The following CACNA1B variants were observed in gnomAD, a reference collection of about 807,000 sequenced individuals.
The protein encoded by CACNA1B is calcium voltage-gated channel subunit alpha1 B.
Under a neutral mutation model 247.2 loss-of-function variants are expected in CACNA1B, and 70 were observed. The observed-to-expected ratio is 0.28, with a 90% CI of 0.23 to 0.35. CACNA1B has a LOEUF of 0.35. Among genes scored for constraint, CACNA1B ranks in the 10% least tolerant of loss-of-function variants. CACNA1B has a pLI of 1.00. For missense variants in CACNA1B, 2,367 were observed against 3,197.4 expected (o/e 0.74, Z 6.26); for synonymous variants, 1,231 against 1,294.4 (o/e 0.95, Z 1.05).
chr9:138,061,819 T>G (rs532840566), intron 31 of CACNA1B, among the ~76,000 whole-genome samples: 10 of 152,354 alleles, frequency 6.6e-5, no homozygotes, highest in African/African-American at 9.6e-5. Context: ...GGTGGCTGGT[T>G]GACAGCCCCA....
rs528092682 is a variant in CACNA1B, at chr9:138,120,662, C to G, written c.6270C>G (p.Pro2090=). ...APSSAVGPGL[P]PGEGPTGCRR... is the part of the protein sequence containing the mutation. ...GCAGTGCTGTGGGGCCGGGGCTGCC[C>G]CCGGGAGAGGGGCCTACAGGCTGCC... The change falls in exon 46 of 47, where the codon CCC becomes CCG. Residue 2090 remains proline (P), a synonymous_variant. Coordinates refer to ENST00000371372, the MANE Select transcript of CACNA1B (RefSeq NM_000718.4). 2 of 1,509,232 alleles carry G rather than the reference C, an allele frequency of 1.3e-6. No homozygotes were observed. The highest frequency in any genetic ancestry group is 1.4e-5 in the African/African-American group (1 of 70,724). 93.5% of individuals were successfully genotyped at this position (1,509,232 alleles called of 1,614,324 possible).
chr9:137,940,127 A>G (rs1292807455), intron 6 of CACNA1B, among the ~76,000 whole-genome samples: 1 of 152,174 alleles, frequency 6.6e-6, no homozygotes, highest in African/African-American at 2.4e-5. Context: ...AAATGAAACA[A>G]AAAGCTAGTT....
At chr9:137,975,604 C>G (rs1372777297) in intron 11 of CACNA1B, among the ~76,000 whole-genome samples, 2 of 152,204 alleles carry the variant, frequency 1.3e-5, no homozygotes, top group African/African-American at 4.8e-5. Context: ...GGGGGCACCC[C>G]CATGACCCCA....
At chr9:137,942,897 C>A (rs1000987232) in intron 6 of CACNA1B, among the ~76,000 whole-genome samples, 6 of 152,136 alleles carry the variant, frequency 3.9e-5, no homozygotes, top group African/African-American at 1.2e-4. Flanking sequence ...ACGAAAATCT[C>A]ATAAATCACC....
chr9:137,949,104 G>A (rs1564203149), intron 6 of CACNA1B, among the ~76,000 whole-genome samples: 14 of 1,406 alleles, frequency 1.0e-2, no homozygotes, highest in Non-Finnish European at 0.011. Flanking sequence ...GTGCATGTTT[G>A]TGGTGGCTGT....
rs533623553 is a variant in CACNA1B at position 137,921,803 on chromosome 9, G to A, written c.966+4372G>A. Among the ~76,000 whole-genome samples, 3 of 146,284 alleles carry A rather than the reference G, an allele frequency of 2.1e-5. No individual in the cohort carries two copies. The East Asian group carries it at 6.4e-4, about 31-fold the overall frequency. The stretch of plus-strand genomic sequence containing the variant: ...GTCCTGGGAGCAGAGTAAAGCGTTC[G>A]GAGAACACGATCAGCACCACGACCG... On this transcript the variant is annotated intron_variant, in intron 6 of 46. Transcript: ENST00000371372.
chr9:138,119,387 C>T (rs576584846), intron 44 of CACNA1B, among the ~76,000 whole-genome samples: 9 of 152,192 alleles, frequency 5.9e-5, no homozygotes, highest in South Asian at 2.1e-4. Context: ...CACTGTGCCC[C>T]GGCCTCCGAG....
intron 39 of CACNA1B, among the ~76,000 whole-genome samples, chr9:138,111,262 A>C (rs777315132): frequency 6.6e-6 from 1 of 152,250 alleles, no homozygotes; most frequent in African/African-American, 2.4e-5. Flanking sequence ...ATGTCCATCA[A>C]TTGGCAATGG....
chr9:137,989,585 CAGAT>C (rs1958408122), intron 15 of CACNA1B, among the ~76,000 whole-genome samples: 1 of 152,142 alleles, frequency 6.6e-6, no homozygotes, highest in Admixed American at 6.5e-5. Flanking sequence ...AAAATAATGA[CAGAT>C]AGTCTGATGG....
intron 18 of CACNA1B, among the ~76,000 whole-genome samples, chr9:138,021,933 G>T (rs764148094): frequency 6.6e-6 from 1 of 152,244 alleles, no homozygotes; most frequent in Non-Finnish European, 1.5e-5. Flanking sequence ...GGCCTCAGAT[G>T]AGGTTTCTCC....
At position 137,990,921 on chromosome 9, in the gene CACNA1B, G is replaced by C; in HGVS notation, c.1974+4067G>C. Reference sequence around the variant, plus strand: ...GCAGGGGGAGAACACCACATCAAGGGAGCACCCCCAAGATAAGAGAACAGC... The same window carrying C: ...GCAGGGGGAGAACACCACATCAAGGCAGCACCCCCAAGATAAGAGAACAGC... On this transcript the variant is annotated intron_variant, in intron 15 of 46. Transcript: ENST00000371372. This position sits in a 1 kb window ranked among gnomAD's most constrained non-coding sequence, Gnocchi z 4.5. Among the ~76,000 whole-genome samples, 1 of 152,148 alleles carries C rather than the reference G, an allele frequency of 6.6e-6. No homozygotes were observed. The highest frequency in any genetic ancestry group is 1.9e-4 in the East Asian group (1 of 5,188).
chr9:137,962,702 A>T (rs183273829), intron 10 of CACNA1B, among the ~76,000 whole-genome samples: 50 of 152,286 alleles, frequency 3.3e-4, no homozygotes, highest in Admixed American at 7.8e-4. Context: ...GTTTTGAGTG[A>T]ATTTCTTAAT....
intron 6 of CACNA1B, among the ~76,000 whole-genome samples, chr9:137,942,013 G>A (rs1280707647): frequency 3.9e-5 from 6 of 152,184 alleles, no homozygotes; most frequent in African/African-American, 1.2e-4. Context: ...CTTTTGCACA[G>A]CAAAAGAAAC....
rs1589112345 is a variant in CACNA1B at position 138,073,693 on chromosome 9, G to A, written c.4791+89G>A. 1 of 790,046 alleles carries A rather than the reference G, an allele frequency of 1.3e-6. No individual in the cohort carries two copies. The highest frequency in any genetic ancestry group is 2.4e-5 in the East Asian group (1 of 40,896). The allele number at this position is 790,046 out of a possible 1,614,324, so 48.9% of individuals were successfully genotyped here. On this transcript the variant is annotated intron_variant, in intron 33 of 46. Coordinates refer to ENST00000371372, the MANE Select transcript of CACNA1B (RefSeq NM_000718.4). The surrounding 1 kb of genome is among the most constrained non-coding windows in gnomAD (Gnocchi z 6.4). The stretch of plus-strand genomic sequence containing the variant: ...CACCACAGTGGCCCCTCCTTTGGGA[G>A]GCTGGGAGAGGGTATGGCATGCAGG...
rs967533831 is a variant in CACNA1B, at chr9:138,008,913, C to T, written c.2093-1097C>T. Among the ~76,000 whole-genome samples the T allele has an allele frequency of 6.6e-5, 10 of 152,320 alleles. No homozygotes were observed. The South Asian group carries it at 1.7e-3, about 25-fold the overall frequency. On this transcript the variant is annotated intron_variant, in intron 16 of 46. Transcript: ENST00000371372. ...AGGATTGCCCAGCCCCAAATGCCAG[C>T]AGGGCCTGGGCTGAGAAACCTGGAG... is the stretch of plus-strand genomic sequence containing the variant.
Position 137,919,330 on chromosome 9 carries a change from A to T in CACNA1B, c.966+1899A>T, listed in dbSNP as rs1027723012. Among the ~76,000 whole-genome samples, 1 of 152,254 alleles carries T rather than the reference A, an allele frequency of 6.6e-6. No homozygotes were observed. The highest frequency in any genetic ancestry group is 1.5e-5 in the Non-Finnish European group (1 of 68,046). ...AAGAAAACAGAAGAGGTTGAGGAGCAGGCAGTGACGAGGTACAGGGTACTG... is the reference window on the plus strand; with the variant it reads ...AAGAAAACAGAAGAGGTTGAGGAGCTGGCAGTGACGAGGTACAGGGTACTG... On this transcript the variant is annotated intron_variant, in intron 6 of 46. Coordinates refer to ENST00000371372, the MANE Select transcript of CACNA1B (RefSeq NM_000718.4). This position sits in a 1 kb window ranked among gnomAD's most constrained non-coding sequence, Gnocchi z 4.6.
chr9:137,905,220 GCAC>G (rs1257310889), intron 3 of CACNA1B, among the ~76,000 whole-genome samples: 1 of 152,034 alleles, frequency 6.6e-6, no homozygotes, highest in Non-Finnish European at 1.5e-5. Context: ...AGGTGTGGTG[GCAC>G]GTGCCTGTAG....
At chr9:137,931,913 C>A (rs1204199639) in intron 6 of CACNA1B, among the ~76,000 whole-genome samples, 2 of 152,172 alleles carry the variant, frequency 1.3e-5, no homozygotes, top group Admixed American at 1.3e-4. Context: ...CTCAACTTAG[C>A]ATTTCTGACC....
rs543553598 is a variant in CACNA1B at position 137,888,462 on chromosome 9, C to G, written c.530+5579C>G. On this transcript the variant is annotated intron_variant, in intron 3 of 46. Transcript: ENST00000371372. The surrounding 1 kb of genome is among the most constrained non-coding windows in gnomAD (Gnocchi z 4.7). ...CCCAGAACCCCAAAGCCCTGCGCGT[C>G]CCCACCCCTGTTGTGGCTCCAGCCT... Among the ~76,000 whole-genome samples the G allele has an allele frequency of 6.6e-6, 1 of 152,232 alleles. No homozygotes were observed. The highest frequency in any genetic ancestry group is 1.5e-5 in the Non-Finnish European group (1 of 68,030).
Sources: gnomAD v4.1 joint callset for allele counts (sites outside exome capture counted in the v4.1 genomes callset) on GRCh38, gnomAD v4.1.1 for gene constraint, Gnocchi (gnomAD v3.1) non-coding constraint, MANE v1.5 for transcripts, NCBI Gene and HGNC (gene_info 2026-07-23, HGNC 2026-07-21) for gene names.